The following TTK variants were observed in gnomAD, a reference collection of about 807,000 sequenced individuals.
TTK encodes the protein dual specificity protein kinase TTK.
A neutral mutation model predicts 117.3 loss-of-function variants in TTK; 59 were observed. The ratio of observed to expected loss-of-function variants is 0.50; its 90% CI spans 0.41 to 0.62. The LOEUF (loss-of-function observed/expected upper bound fraction) is 0.62. TTK is among the 20% of genes least tolerant of loss of function. The pLI, the probability that TTK is intolerant of heterozygous loss-of-function variation, is 0.00. For missense variants in TTK, 921 were observed against 989.4 expected (o/e 0.93, Z 0.93); for synonymous variants, 302 against 325.0 (o/e 0.93, Z 0.76).
At chr6:80,028,576 C>G (rs1200463262) in intron 13 of TTK, among the ~76,000 whole-genome samples, 4 of 152,106 alleles carry the variant, frequency 2.6e-5, no homozygotes, top group Non-Finnish European at 1.5e-5. Flanking sequence ...CCTCAGCCCC[C>G]CAAAGTTCTG....
intron 11 of TTK, among the ~76,000 whole-genome samples, chr6:80,022,723 C>T (rs1051889661): frequency 6.6e-6 from 1 of 152,180 alleles, no homozygotes; most frequent in African/African-American, 2.4e-5. Flanking sequence ...TGGGCCAAAT[C>T]TAGTTCTTAG....
intron 11 of TTK, among the ~76,000 whole-genome samples, chr6:80,023,803 C>T (rs1767532468): frequency 6.6e-6 from 1 of 152,098 alleles, no homozygotes; most frequent in Non-Finnish European, 1.5e-5. Flanking sequence ...ACATGTCATA[C>T]AGTCTCTGGA....
chr6:80,041,995 C>T (rs1768060085), intron 21 of TTK, 124 bp from the exon 22 acceptor site: 1 of 502,714 alleles, frequency 2.0e-6, no homozygotes, highest in Non-Finnish European at 3.4e-6. Flanking sequence ...AAAATAATTT[C>T]CCAACTGTAA....
At chr6:80,038,327 C>T (rs1161887220) in intron 18 of TTK, among the ~76,000 whole-genome samples, 2 of 152,126 alleles carry the variant, frequency 1.3e-5, no homozygotes, top group African/African-American at 2.4e-5. Flanking sequence ...GATGAGTTTG[C>T]GTTAGCCTCA....
rs1767251024 is a variant in TTK at position 80,014,485 on chromosome 6, A to G, written c.1007A>G (p.Lys336Arg). Residue 336 changes from lysine to arginine, a missense_variant, in exon 10 of 22, where the codon AAG becomes AGG. By Grantham distance (26) the Lys-to-Arg change is conservative. Coordinates refer to ENST00000369798, the MANE Select transcript of TTK (RefSeq NM_003318.5). ...NLKSVQNSHFKEPLVSDEKSS... is the reference protein window; with the variant it reads ...NLKSVQNSHFREPLVSDEKSS... ...TAGTCTGTTCAAAATAGTCATTTCA[A>G]GGAACCTCTGGTGTCAGATGAAAAG... The G allele has an allele frequency of 1.9e-6, 3 of 1,607,686 alleles. No individual in the cohort carries two copies. Among genetic ancestry groups the G allele is most frequent in the Non-Finnish European group, 2.5e-6 (3 of 1,177,102 alleles).
At chr6:80,039,024 T>C (rs1767978468) in intron 18 of TTK, among the ~76,000 whole-genome samples, 1 of 152,124 alleles carries the variant, frequency 6.6e-6, no homozygotes, top group African/African-American at 2.4e-5. Flanking sequence ...CATTACCAGT[T>C]AGTAACACAT....
chr6:80,019,243 G>A (rs962928378), intron 10 of TTK, among the ~76,000 whole-genome samples: 1 of 152,122 alleles, frequency 6.6e-6, no homozygotes, highest in South Asian at 2.1e-4. Context: ...TAGAGGTCTT[G>A]TAACTGACTT....
intron 2 of TTK, among the ~76,000 whole-genome samples, chr6:80,007,391 A>G (rs1281965458): frequency 6.6e-6 from 1 of 152,162 alleles, no homozygotes. Context: ...GGTTTAATGA[A>G]TAAATCATTG....
chr6:80,026,210 T>TA (rs1242972648), intron 11 of TTK, among the ~76,000 whole-genome samples, 168 bp from the exon 12 acceptor site: 1 of 152,168 alleles, frequency 6.6e-6, no homozygotes, highest in Non-Finnish European at 1.5e-5. Flanking sequence ...ATAACTACAC[T>TA]AAAAAAATTA....
chr6:80,033,218 A>C (rs1183802263), intron 14 of TTK, among the ~76,000 whole-genome samples: 3 of 152,164 alleles, frequency 2.0e-5, no homozygotes, highest in East Asian at 3.9e-4. Context: ...AAGTGAGAAC[A>C]TGAGGTATTT....
At chr6:80,036,083 C>T (rs1451700209) in intron 16 of TTK, among the ~76,000 whole-genome samples, 1 of 152,046 alleles carries the variant, frequency 6.6e-6, no homozygotes, top group African/African-American at 2.4e-5. Flanking sequence ...TTGTGATGCT[C>T]TCTAGTGGGC....
chr6:80,008,531 A>G, intron 4 of TTK, 39 bp downstream of exon 4: 1 of 1,543,356 alleles, frequency 6.5e-7, no homozygotes, highest in African/African-American at 1.4e-5. Context: ...TAAGTAAAGG[A>G]TAACTTATTA....
At chr6:80,028,113 G>A (rs1767654580) in intron 13 of TTK, 102 bp downstream of exon 13, 1 of 1,301,862 alleles carries the variant, frequency 7.7e-7, no homozygotes, top group Non-Finnish European at 1.0e-6. Context: ...TTAAGAACTT[G>A]GCCATTCTTA....
chr6:80,041,701 T>G (rs919823372), intron 21 of TTK, among the ~76,000 whole-genome samples: 2 of 150,908 alleles, frequency 1.3e-5, no homozygotes, highest in African/African-American at 4.8e-5. Context: ...AATATATATC[T>G]AATTATTATA....
rs1767996840 is a variant in TTK, at chr6:80,039,738, T to C, written c.2173T>C (p.Tyr725His). 6.3e-7 allele frequency: 1 copy of C among 1,583,088 alleles called. No individual in the cohort carries two copies. The highest frequency in any genetic ancestry group is 1.4e-5 in the African/African-American group (1 of 73,564). The change falls in exon 19 of 22, where the codon TAC becomes CAC. Residue 725 changes from tyrosine to histidine, a missense_variant. Tyr to His is a moderately conservative substitution (Grantham distance 83). Transcript: ENST00000369798. Reference protein sequence around the residue: ...SDVWSLGCILYYMTYGKTPFQ... With the variant: ...SDVWSLGCILHYMTYGKTPFQ... ...TGTTTGGTCCTTAGGATGTATTTTG[T>C]ACTATATGACTTACGGGAAAACACC...
chr6:80,013,303 A>T lies in TTK; in HGVS notation c.921A>T (p.Arg307=). ...MKRQTSRSEC[R]DLVVPGSKPS... is the part of the protein sequence containing the mutation. ...GACAAACCTCTAGATCAGAATGCCGAGATTTGGTTGTGCCTGGATCTAAAC... is the reference window on the plus strand; with the variant it reads ...GACAAACCTCTAGATCAGAATGCCGTGATTTGGTTGTGCCTGGATCTAAAC... The change falls in exon 9 of 22, where the codon CGA becomes CGT. Residue 307 remains arginine (R), a synonymous_variant. Transcript: ENST00000369798. The T allele has an allele frequency of 6.2e-7, 1 of 1,602,034 alleles. No individual in the cohort carries two copies. The highest frequency in any genetic ancestry group is 8.5e-7 in the Non-Finnish European group (1 of 1,176,316).
intron 10 of TTK, among the ~76,000 whole-genome samples, chr6:80,019,615 AT>A (rs1767404020): frequency 6.6e-6 from 1 of 152,180 alleles, no homozygotes; most frequent in Non-Finnish European, 1.5e-5. Flanking sequence ...CCTGTTAACC[AT>A]TTTTACAGTC....
chr6:80,026,566 C>T, intron 12 of TTK, 52 bp downstream of exon 12: 1 of 1,605,566 alleles, frequency 6.2e-7, no homozygotes, highest in Non-Finnish European at 8.5e-7. Context: ...ATAGAATTAA[C>T]ATGGGCTTCT....
rs1767034888 is a variant in TTK at position 80,007,834 on chromosome 6, TATG to T, written c.172_174del (p.Met58del). The T allele has an allele frequency of 1.2e-6, 2 of 1,611,958 alleles. No individual in the cohort carries two copies. Among genetic ancestry groups the T allele is most frequent in the African/African-American group, 1.3e-5 (1 of 74,844 alleles). On this transcript the variant is annotated inframe_deletion, in exon 3 of 22. Transcript: ENST00000369798. ...ATAACTCGGGAACTGTTAACCAAAT[TATG>T]ATGATGGCAAACAACCCAGAGGACT...
Sources: allele counts gnomAD v4.1 joint callset (sites outside exome capture counted in the v4.1 genomes callset), GRCh38; gene constraint gnomAD v4.1.1; transcripts MANE v1.5; gene names NCBI Gene and HGNC (gene_info 2026-07-23, HGNC 2026-07-21).